TBC1D22A: variants seen among roughly 807,000 people sequenced by gnomAD.
TBC1D22A encodes TBC1 domain family member 22A, also known as putative GTPase activator.
TBC1D22A carries 38 observed loss-of-function variants against 60.2 expected under a neutral mutation model. That is an observed-to-expected ratio of 0.63 (90% CI 0.49 to 0.83). The LOEUF is 0.83. Among genes scored for constraint, TBC1D22A ranks in the 40% least tolerant of loss-of-function variants. The pLI is 0.00. For missense variants in TBC1D22A, 628 were observed against 701.0 expected (o/e 0.90, Z 1.18); for synonymous variants, 302 against 281.7 (o/e 1.07, Z -0.72).
At chr22:47,167,293 G>A (rs1282655148) in intron 12 of TBC1D22A, among the ~76,000 whole-genome samples, 1 of 152,198 alleles carries the variant, frequency 6.6e-6, no homozygotes, top group Non-Finnish European at 1.5e-5. Context: ...AAGCCCCGTA[G>A]TGGAAGGTGT....
At chr22:47,065,289 C>T (rs1299478641) in intron 11 of TBC1D22A, among the ~76,000 whole-genome samples, 1 of 152,230 alleles carries the variant, frequency 6.6e-6, no homozygotes, top group Non-Finnish European at 1.5e-5. Context: ...GCCACCATGC[C>T]CGGCCTAAGG....
At chr22:46,989,521 T>TTGTG (rs1271253438) in intron 9 of TBC1D22A, among the ~76,000 whole-genome samples, 4 of 152,110 alleles carry the variant, frequency 2.6e-5, no homozygotes, top group Non-Finnish European at 1.5e-5. Context: ...ATCAATCTTG[T>TTGTG]TGTGTCTCAG....
chr22:46,913,787 A>C (rs920308817), intron 8 of TBC1D22A: 1 of 984,280 alleles, frequency 1.0e-6, no homozygotes, highest in Admixed American at 6.1e-5. Flanking sequence ...AGTTTGTTTT[A>C]ACTACTTTAC....
rs1054541753 is a variant in TBC1D22A, at chr22:47,028,409, G to A, written c.1202-8662G>A. On this transcript the variant is annotated intron_variant, in intron 10 of 12. Transcript: ENST00000337137. The surrounding 1 kb of genome is among the most constrained non-coding windows in gnomAD (Gnocchi z 4.4). ...TGTCCCTCGGTCCCTGTCCCCCACG[G>A]CCCAGGTTCTGAGAGCGAGTGGTCG... Among the ~76,000 whole-genome samples, 4 of 132,244 alleles carry A rather than the reference G, an allele frequency of 3.0e-5. No homozygotes were observed. Among genetic ancestry groups the A allele is most frequent in the Non-Finnish European group, 4.6e-5 (3 of 64,856 alleles). The allele number at this position is 132,244 out of a possible 152,430, so 86.8% of individuals were successfully genotyped here.
chr22:46,958,501 G>A (rs1464842199), intron 8 of TBC1D22A, among the ~76,000 whole-genome samples: 1 of 152,198 alleles, frequency 6.6e-6, no homozygotes, highest in African/African-American at 2.4e-5. Flanking sequence ...TCTCACCGTT[G>A]GAGAGCTGGG....
intron 10 of TBC1D22A, among the ~76,000 whole-genome samples, chr22:47,016,994 C>T (rs1245409443): frequency 3.3e-5 from 5 of 152,226 alleles, no homozygotes; most frequent in Non-Finnish European, 5.9e-5. Context: ...CTGCGATGGT[C>T]GCCGATGGCG....
intron 8 of TBC1D22A, among the ~76,000 whole-genome samples, chr22:46,944,442 A>G (rs1469122654): frequency 1.3e-5 from 2 of 152,214 alleles, no homozygotes; most frequent in Non-Finnish European, 2.9e-5. Flanking sequence ...TCCGTCTCCC[A>G]GGCTGGAGTG....
At chr22:47,086,852 G>A (rs2064713515) in intron 11 of TBC1D22A, among the ~76,000 whole-genome samples, 1 of 152,220 alleles carries the variant, frequency 6.6e-6, no homozygotes. Context: ...TGGCCCAGGA[G>A]CCATCCAAAA....
chr22:46,901,690 C>G (rs2069005684), intron 7 of TBC1D22A, among the ~76,000 whole-genome samples: 1 of 135,600 alleles, frequency 7.4e-6, no homozygotes, highest in Non-Finnish European at 1.6e-5. Context: ...TTTCATTCAT[C>G]AAGTGTTATA....
chr22:46,840,992 C>A (rs991831154), intron 4 of TBC1D22A, among the ~76,000 whole-genome samples: 5 of 150,366 alleles, frequency 3.3e-5, no homozygotes, highest in South Asian at 2.1e-4. Flanking sequence ...TCTCAATAGC[C>A]AAGACATGGA....
chr22:47,030,069 G>A (rs915374895), intron 10 of TBC1D22A, among the ~76,000 whole-genome samples: 2 of 152,346 alleles, frequency 1.3e-5, no homozygotes, highest in Middle Eastern at 3.4e-3. Context: ...GGCTCAGAGT[G>A]GGGGGCCTCT....
chr22:47,131,686 G>GC (rs1349434027), intron 12 of TBC1D22A, among the ~76,000 whole-genome samples: 1 of 152,228 alleles, frequency 6.6e-6, no homozygotes, highest in Non-Finnish European at 1.5e-5. Context: ...TCAGAGCCTG[G>GC]CGTTGGTCAT....
chr22:46,920,041 G>A (rs1454278361), intron 8 of TBC1D22A, among the ~76,000 whole-genome samples: 1 of 126,884 alleles, frequency 7.9e-6, no homozygotes, highest in Non-Finnish European at 1.7e-5. Flanking sequence ...TGAGTGTTAG[G>A]TATATATGTG....
At chr22:47,003,519 ATATACACACACCCTACACACACATGCCTG>A (rs2061467501) in intron 10 of TBC1D22A, among the ~76,000 whole-genome samples, 3 of 146,960 alleles carry the variant, frequency 2.0e-5, no homozygotes, top group Non-Finnish European at 4.5e-5. Flanking sequence ...CGCCAGATAC[ATATACACACACCCTACACACACATGCCTG>A]TATACACACA....
chr22:46,951,156 C>G (rs1039367094), intron 8 of TBC1D22A, among the ~76,000 whole-genome samples: 2 of 152,150 alleles, frequency 1.3e-5, no homozygotes, highest in South Asian at 4.1e-4. Context: ...ATCCTTGCAG[C>G]TTTTCTTCTC....
chr22:46,960,050 G>A (rs192477007), intron 8 of TBC1D22A, among the ~76,000 whole-genome samples: 2 of 152,278 alleles, frequency 1.3e-5, no homozygotes, highest in African/African-American at 2.4e-5. Context: ...CTAACATCTC[G>A]TTAGTTAGCA....
At chr22:47,014,579 A>G (rs1458579140) in intron 10 of TBC1D22A, among the ~76,000 whole-genome samples, 1 of 152,192 alleles carries the variant, frequency 6.6e-6, no homozygotes, top group Non-Finnish European at 1.5e-5. Flanking sequence ...AAGCAGCCCC[A>G]TCCTTCACCT....
chr22:46,974,803 G>A (rs2074227781), intron 9 of TBC1D22A, among the ~76,000 whole-genome samples: 1 of 152,228 alleles, frequency 6.6e-6, no homozygotes, highest in Non-Finnish European at 1.5e-5. Flanking sequence ...ACCAGGCTGT[G>A]AGCCCTCGCC....
At chr22:46,826,748 A>T (rs2086084365) in intron 4 of TBC1D22A, among the ~76,000 whole-genome samples, 1 of 152,122 alleles carries the variant, frequency 6.6e-6, no homozygotes, top group African/African-American at 2.4e-5. Flanking sequence ...TTTAGAGATG[A>T]GGACATGAGT....
Sources: allele counts gnomAD v4.1 joint callset (sites outside exome capture counted in the v4.1 genomes callset), GRCh38; gene constraint gnomAD v4.1.1; non-coding constraint Gnocchi (gnomAD v3.1); transcripts MANE v1.5; gene names NCBI Gene and HGNC (gene_info 2026-07-23, HGNC 2026-07-21).